Variants in PTPRD observed in about 807,000 individuals in gnomAD.
PTPRD encodes receptor-type tyrosine-protein phosphatase delta.
In PTPRD, 34 loss-of-function variants were observed where a neutral mutation model predicts 214.5. That is an observed-to-expected ratio of 0.16 (90% CI 0.12 to 0.21). The LOEUF (loss-of-function observed/expected upper bound fraction) is 0.21. Among genes scored for constraint, PTPRD ranks in the 10% least tolerant of loss-of-function variants. PTPRD has a pLI of 1.00. For missense variants in PTPRD, 2,545 were observed against 2,398.7 expected (o/e 1.06, Z -1.27); for synonymous variants, 1,128 against 845.7 (o/e 1.33, Z -5.79).
chr9:9,626,072 G>A (rs568605366), intron 7 of PTPRD, among the ~76,000 whole-genome samples: 1 of 152,254 alleles, frequency 6.6e-6, no homozygotes, highest in East Asian at 1.9e-4. Flanking sequence ...GCAAAAACAG[G>A]CAAAGAACTG....
intron 21 of PTPRD, among the ~76,000 whole-genome samples, chr9:8,508,388 G>A (rs1186278830): frequency 6.6e-6 from 1 of 152,080 alleles, no homozygotes; most frequent in African/African-American, 2.4e-5. Flanking sequence ...GCTGAGTCAG[G>A]GTGTCGCTGG....
chr9:8,834,779 G>T (rs548792818), intron 11 of PTPRD, among the ~76,000 whole-genome samples: 56 of 152,298 alleles, frequency 3.7e-4, no homozygotes, highest in African/African-American at 1.3e-3. Flanking sequence ...ACAATGATTT[G>T]TAACAAACAC....
chr9:9,455,711 A>G (rs10816129), intron 8 of PTPRD, among the ~76,000 whole-genome samples: 75,191 of 151,352 alleles, frequency 0.5, 19,173 homozygotes, highest in East Asian at 0.67. Flanking sequence ...TGTTCAATAT[A>G]AAGGGGCAAA....
At chr9:10,050,925 A>G (rs1196790136) in intron 3 of PTPRD, among the ~76,000 whole-genome samples, 1 of 152,134 alleles carries the variant, frequency 6.6e-6, no homozygotes, top group Non-Finnish European at 1.5e-5. Flanking sequence ...CTGTTTAAAC[A>G]TTGTGAAAAG....
At chr9:9,216,704 T>G (rs1035731908) in intron 9 of PTPRD, among the ~76,000 whole-genome samples, 10 of 152,186 alleles carry the variant, frequency 6.6e-5, no homozygotes, top group Non-Finnish European at 1.5e-5. Flanking sequence ...GTTTTGTGCC[T>G]TATCTTTCTT....
At chr9:8,976,615 T>G (rs2099269328) in intron 11 of PTPRD, among the ~76,000 whole-genome samples, 1 of 152,158 alleles carries the variant, frequency 6.6e-6, no homozygotes, top group African/African-American at 2.4e-5. Context: ...AGAAAAGTTT[T>G]GTCTAATTCA....
chr9:10,080,539 G>A (rs975859964), intron 3 of PTPRD, among the ~76,000 whole-genome samples: 1 of 152,038 alleles, frequency 6.6e-6, no homozygotes, highest in African/African-American at 2.4e-5. Context: ...TAAACTCCTA[G>A]CCCTGGCCTC....
chr9:9,071,762 T>C (rs1251703060), intron 10 of PTPRD, among the ~76,000 whole-genome samples: 1 of 152,168 alleles, frequency 6.6e-6, no homozygotes, highest in Non-Finnish European at 1.5e-5. Flanking sequence ...AGATAAGCTA[T>C]AACTGGGCTC....
At chr9:9,148,050 A>G (rs2099871630) in intron 10 of PTPRD, among the ~76,000 whole-genome samples, 1 of 152,206 alleles carries the variant, frequency 6.6e-6, no homozygotes, top group Non-Finnish European at 1.5e-5. Context: ...ATAGGTTAAT[A>G]CGCATATGGA....
At chr9:9,792,246 C>T (rs1273832276) in intron 5 of PTPRD, among the ~76,000 whole-genome samples, 2 of 152,036 alleles carry the variant, frequency 1.3e-5, no homozygotes, top group African/African-American at 2.4e-5. Context: ...ATTAGTACTG[C>T]ATGTTATTTA....
intron 11 of PTPRD, among the ~76,000 whole-genome samples, chr9:8,947,350 C>G (rs1045866606): frequency 6.6e-6 from 1 of 150,712 alleles, no homozygotes; most frequent in Non-Finnish European, 1.5e-5. Flanking sequence ...GTAGTCCCAG[C>G]TATTCGGGAG....
At chr9:10,465,579 T>C (rs183733728) in intron 2 of PTPRD, among the ~76,000 whole-genome samples, 13 of 152,302 alleles carry the variant, frequency 8.5e-5, no homozygotes, top group African/African-American at 2.4e-4. Context: ...CCTGGTGTTA[T>C]TGTAGCCATT....
intron 8 of PTPRD, among the ~76,000 whole-genome samples, chr9:9,452,040 T>A (rs1428807135): frequency 6.6e-6 from 1 of 151,474 alleles, no homozygotes. Flanking sequence ...GAAGATATAA[T>A]ACCTCACACC....
Position 9,659,466 on chromosome 9 carries a change from G to A in PTPRD, c.-287+75067C>T, listed in dbSNP as rs183928817. ...ACTGGGGGCTTTTGGAAACCTTAAC[G>A]CCAGGGCTATACATCAAATCAATTA... On this transcript the variant is annotated intron_variant, in intron 7 of 45. Transcript: ENST00000381196. 3.3e-3 allele frequency among the ~76,000 whole-genome samples: 502 copies of A among 152,010 alleles called. 7 individuals are homozygous for A. The highest frequency in any genetic ancestry group is 0.022 in the Admixed American group (338 of 15,250).
intron 11 of PTPRD, among the ~76,000 whole-genome samples, chr9:8,921,551 T>C (rs928377976): frequency 6.6e-6 from 1 of 152,082 alleles, no homozygotes. Flanking sequence ...TGGAGTGCTG[T>C]GGCACGATCT....
At chr9:8,531,757 G>A (rs1324710127) in intron 14 of PTPRD, among the ~76,000 whole-genome samples, 1 of 152,070 alleles carries the variant, frequency 6.6e-6, no homozygotes, top group Non-Finnish European at 1.5e-5. Flanking sequence ...GAAGAACTGA[G>A]CCAATATTCA....
At chr9:10,598,133 G>C (rs1295807610) in intron 2 of PTPRD, among the ~76,000 whole-genome samples, 1 of 145,654 alleles carries the variant, frequency 6.9e-6, no homozygotes, top group African/African-American at 2.5e-5. Flanking sequence ...TCTAAATGTA[G>C]AAGATAAAAC....
At chr9:9,529,357 C>T (rs2074963428) in intron 8 of PTPRD, among the ~76,000 whole-genome samples, 1 of 149,274 alleles carries the variant, frequency 6.7e-6, no homozygotes, top group South Asian at 2.1e-4. Context: ...GCAAGCCAAA[C>T]TAAGGCTGGG....
chr9:9,726,662 T>C (rs181631149), intron 7 of PTPRD, among the ~76,000 whole-genome samples: 15 of 152,218 alleles, frequency 9.9e-5, no homozygotes, highest in African/African-American at 1.4e-4. Context: ...AACTAGAAAA[T>C]AGAAATAATA....
Sources: gnomAD v4.1 joint callset for allele counts (sites outside exome capture counted in the v4.1 genomes callset) on GRCh38, gnomAD v4.1.1 for gene constraint, MANE v1.5 for transcripts, NCBI Gene and HGNC (gene_info 2026-07-23, HGNC 2026-07-21) for gene names.